SNCAIP: variants seen among roughly 807,000 people sequenced by gnomAD.
The protein encoded by SNCAIP is synphilin-1.
A neutral mutation model predicts 86.7 loss-of-function variants in SNCAIP; 43 were observed. The ratio of observed to expected loss-of-function variants is 0.50; its 90% confidence interval spans 0.39 to 0.64. The LOEUF (loss-of-function observed/expected upper bound fraction) is 0.64. Among genes scored for constraint, SNCAIP ranks in the 30% least tolerant of loss-of-function variants. The pLI, the probability that SNCAIP is intolerant of heterozygous loss-of-function variation, is 0.00. For synonymous variants in SNCAIP, 417 were observed against 427.2 expected, an observed-to-expected ratio of 0.98 and a Z score of 0.29; for missense variants, 981 against 1,103.1, an observed-to-expected ratio of 0.89 and a Z score of 1.57.
In SNCAIP at chr5:122,358,203, G is replaced by GTGTGTGTATA. The variant is rs1221236719; in HGVS notation, c.-46-32885_-46-32884insGTGTGTATAT. ...TGTGTGTGTGTGTGTGTGTGTGTGT[G>GTGTGTGTATA]TATATATATATATATAAAATACTTT... is the stretch of plus-strand genomic sequence containing the variant. On this transcript the variant is annotated intron_variant, in intron 1 of 10. Transcript: ENST00000261368. 8.4e-5 allele frequency among the ~76,000 whole-genome samples: 11 copies of GTGTGTGTATA among 130,388 alleles called. No individual in the cohort carries two copies. The East Asian group carries it at 9.8e-4, about 12-fold the overall frequency. The allele number at this position is 130,388 out of a possible 152,430, so 85.5% of individuals were successfully genotyped here. A position where few individuals can be genotyped will look rare whatever the true frequency, so the allele number is the denominator to read the frequency against.
chr5:122,392,938 C>T (rs1368346416), intron 2 of SNCAIP, among the ~76,000 whole-genome samples: 2 of 151,928 alleles, frequency 1.3e-5, no homozygotes, highest in African/African-American at 4.8e-5. Flanking sequence ...TTTTTTAATA[C>T]AACAGAGCAG....
At chr5:122,324,036 G>A (rs1753526651) in intron 1 of SNCAIP, among the ~76,000 whole-genome samples, 1 of 152,160 alleles carries the variant, frequency 6.6e-6, no homozygotes. Context: ...TGCTATTTTA[G>A]TCAGGACCAG....
intron 2 of SNCAIP, among the ~76,000 whole-genome samples, chr5:122,401,845 T>C (rs1359125719): frequency 6.6e-6 from 1 of 152,202 alleles, no homozygotes; most frequent in African/African-American, 2.4e-5. Context: ...ACTATGGGCC[T>C]TTGAGGCCAA....
chr5:122,314,651 A>G (rs73794579), intron 1 of SNCAIP, among the ~76,000 whole-genome samples: 8,628 of 152,252 alleles, frequency 0.057, 848 homozygotes, highest in African/African-American at 0.19. Context: ...TGAATCAAAA[A>G]CTTGTTTGCT....
At chr5:122,316,587 T>C (rs1442184088) in intron 1 of SNCAIP, among the ~76,000 whole-genome samples, 2 of 151,878 alleles carry the variant, frequency 1.3e-5, no homozygotes, top group African/African-American at 4.8e-5. Flanking sequence ...GTCCATAGAG[T>C]GTAGATGCAT....
chr5:122,410,433 A>T lies in SNCAIP; in HGVS notation c.130+6568A>T, dbSNP rs562911318. On this transcript the variant is annotated intron_variant, in intron 3 of 10. Coordinates refer to ENST00000261368, the MANE Select transcript of SNCAIP (RefSeq NM_005460.4). The stretch of plus-strand genomic sequence containing the variant: ...ACCCCTTTTAACTTATTAACACTTC[A>T]TTTATGTTTCTGAGAGGAAAGATGT... Among the ~76,000 whole-genome samples the T allele has an allele frequency of 9.9e-5, 15 of 152,266 alleles. No homozygotes were observed. In the East Asian group the frequency reaches 2.7e-3, roughly 27 times the overall value.
chr5:122,419,393 C>T (rs902833102), intron 3 of SNCAIP, among the ~76,000 whole-genome samples: 2 of 152,094 alleles, frequency 1.3e-5, no homozygotes, highest in Admixed American at 6.5e-5. Context: ...CAGCTAGATC[C>T]GAAGAGATAA....
chr5:122,333,331 T>C (rs2152702511), intron 1 of SNCAIP, among the ~76,000 whole-genome samples: 1 of 152,332 alleles, frequency 6.6e-6, no homozygotes, highest in East Asian at 1.9e-4. Context: ...ACTATAAAAA[T>C]GTCACATTAT....
chr5:122,412,234 C>T (rs928506755), intron 3 of SNCAIP, among the ~76,000 whole-genome samples: 49 of 152,156 alleles, frequency 3.2e-4, no homozygotes, highest in Non-Finnish European at 1.0e-4. Context: ...TCTGCTCCTC[C>T]TTGCCAACCC....
intron 1 of SNCAIP, among the ~76,000 whole-genome samples, chr5:122,387,193 C>T (rs1294022262): frequency 6.6e-6 from 1 of 152,158 alleles, no homozygotes; most frequent in Admixed American, 6.5e-5. Flanking sequence ...GAGTCTCGTT[C>T]TGTCACCCAG....
rs1781875635 is a variant in SNCAIP, at chr5:122,444,575, T to C, written c.1435T>C (p.Tyr479His). 2 of 1,614,158 alleles carry C rather than the reference T, an allele frequency of 1.2e-6. No individual in the cohort carries two copies. Among genetic ancestry groups the C allele is most frequent in the South Asian group, 1.1e-5 (1 of 91,082 alleles). ...CATTTTCTGACAGACCTTGGTTGAA[T>C]ATGGAGCAAATGTCACCATGCAGAA... ...YLGCIQTLVE[Y>H]GANVTMQNHA... is the part of the protein sequence containing the mutation. The change falls in exon 8 of 11, where the codon TAT (tyrosine) becomes CAT (histidine). Residue 479 changes from tyrosine (Y) to histidine (H), a missense_variant. By Grantham distance (83) the Tyr-to-His change is moderately conservative. Transcript: ENST00000261368.
At chr5:122,328,054 G>C (rs1754479464) in intron 1 of SNCAIP, among the ~76,000 whole-genome samples, 1 of 152,148 alleles carries the variant, frequency 6.6e-6, no homozygotes, top group African/African-American at 2.4e-5. Flanking sequence ...CTAGATATAA[G>C]TATTTTGATG....
At chr5:122,344,693 G>A (rs1436456604) in intron 1 of SNCAIP, among the ~76,000 whole-genome samples, 4 of 152,162 alleles carry the variant, frequency 2.6e-5, no homozygotes, top group South Asian at 4.1e-4. Context: ...TCCTTTGAAT[G>A]CTGTTTTGAG....
chr5:122,342,434 C>T (rs1757778743), intron 1 of SNCAIP, among the ~76,000 whole-genome samples: 1 of 152,148 alleles, frequency 6.6e-6, no homozygotes, highest in Admixed American at 6.5e-5. Context: ...CCATGATTCA[C>T]ATCACTGGAT....
At chr5:122,446,105 T>C (rs778752038) in intron 8 of SNCAIP, among the ~76,000 whole-genome samples, 1 of 152,030 alleles carries the variant, frequency 6.6e-6, no homozygotes, top group Non-Finnish European at 1.5e-5. Context: ...ACAGGGAAAA[T>C]GCACACAAAT....
chr5:122,328,196 A>G (rs1304960082), intron 1 of SNCAIP, among the ~76,000 whole-genome samples: 1 of 152,220 alleles, frequency 6.6e-6, no homozygotes, highest in African/African-American at 2.4e-5. Context: ...AATGTGATTA[A>G]TAAATAATCC....
chr5:122,322,479 C>T (rs1432965937), intron 1 of SNCAIP, among the ~76,000 whole-genome samples: 1 of 152,200 alleles, frequency 6.6e-6, no homozygotes, highest in East Asian at 1.9e-4. Context: ...CTCAGGCCCA[C>T]TTAAAGAGTA....
At chr5:122,431,663 C>T (rs1479968961) in intron 5 of SNCAIP, among the ~76,000 whole-genome samples, 1 of 152,060 alleles carries the variant, frequency 6.6e-6, no homozygotes, top group African/African-American at 2.4e-5. Flanking sequence ...TGTCAAAATA[C>T]ATCAAACCGT....
intron 8 of SNCAIP, among the ~76,000 whole-genome samples, chr5:122,447,982 C>T (rs987370718): frequency 6.6e-5 from 10 of 152,192 alleles, no homozygotes; most frequent in Admixed American, 5.2e-4. Flanking sequence ...AGATCACAGA[C>T]TTCTCTGGTC....
Sources: gnomAD v4.1 joint callset for allele counts (sites outside exome capture counted in the v4.1 genomes callset) on GRCh38, gnomAD v4.1.1 for gene constraint, MANE v1.5 for transcripts, NCBI Gene and HGNC (gene_info 2026-07-23, HGNC 2026-07-21) for gene names.